The following STN1 variants were observed in gnomAD, a reference collection of about 807,000 sequenced individuals.
STN1 encodes STN1 subunit of CST complex.
Under a neutral mutation model 45.5 loss-of-function variants are expected in STN1, and 29 were observed. The observed-to-expected ratio is 0.64, with a 90% CI of 0.47 to 0.87. STN1 has a LOEUF of 0.87. STN1 is among the 40% of genes least tolerant of loss of function. The pLI is 0.00. For synonymous variants in STN1, 148 were observed against 159.0 expected, an observed-to-expected ratio of 0.93 and a Z score of 0.52; for missense variants, 376 against 441.4, an observed-to-expected ratio of 0.85 and a Z score of 1.33.
rs1350177537 is a variant in STN1, at chr10:103,909,460, GTATATATA to G, written c.229+1059_229+1066del. Among the ~76,000 whole-genome samples the G allele has an allele frequency of 2.5e-4, 25 of 100,400 alleles. 1 individual carries two copies. Among genetic ancestry groups the G allele is most frequent in the Middle Eastern group, 4.5e-3 (1 of 222 alleles). 65.9% of individuals were successfully genotyped at this position (100,400 alleles called of 152,430 possible). A position where few individuals can be genotyped will look rare whatever the true frequency, so the allele number is the denominator to read the frequency against. On this transcript the variant is annotated intron_variant, in intron 3 of 9. Transcript: ENST00000224950. Reference sequence around the variant, plus strand: ...TATATATATGTATATATGTATATATGTATATATATGTATATATGTATATATATGTGTGT... The same window carrying G: ...TATATATATGTATATATGTATATATGTGTATATATGTATATATATGTGTGT...
chr10:103,910,049 C>T (rs1184093554), intron 3 of STN1, among the ~76,000 whole-genome samples: 1 of 152,098 alleles, frequency 6.6e-6, no homozygotes, highest in East Asian at 1.9e-4. Flanking sequence ...GGTATTTACC[C>T]CTTTGGGTAT....
At chr10:103,883,217 G>C (rs904119555) in intron 9 of STN1, among the ~76,000 whole-genome samples, 1 of 152,152 alleles carries the variant, frequency 6.6e-6, no homozygotes, top group Non-Finnish European at 1.5e-5. Context: ...TCAGGGAGGA[G>C]CCCTCTTGAA....
chr10:103,890,546 G>A (rs949376992), intron 8 of STN1, among the ~76,000 whole-genome samples: 1 of 152,150 alleles, frequency 6.6e-6, no homozygotes, highest in Admixed American at 6.5e-5. Flanking sequence ...CTCTCTAAAG[G>A]CCTGGGAGGA....
At chr10:103,884,650 A>C (rs1843091934) in intron 9 of STN1, among the ~76,000 whole-genome samples, 1 of 152,174 alleles carries the variant, frequency 6.6e-6, no homozygotes, top group Non-Finnish European at 1.5e-5. Context: ...TTTACAGATG[A>C]AAAATGCTTT....
chr10:103,900,754 T>C (rs1843205222), intron 4 of STN1, among the ~76,000 whole-genome samples: 1 of 142,086 alleles, frequency 7.0e-6, no homozygotes, highest in African/African-American at 2.5e-5. Context: ...TCACACTTTC[T>C]CCACTTTCTC....
At chr10:103,909,529 TACA>T (rs1406182556) in intron 3 of STN1, among the ~76,000 whole-genome samples, 3,361 of 85,076 alleles carry the variant, frequency 0.04, 327 homozygotes, top group Non-Finnish European at 0.058. Flanking sequence ...TATATATATG[TACA>T]TATATATGTA....
At chr10:103,896,669 G>C (rs1843173006) in intron 7 of STN1, among the ~76,000 whole-genome samples, 1 of 151,730 alleles carries the variant, frequency 6.6e-6, no homozygotes, top group Non-Finnish European at 1.5e-5. Flanking sequence ...TGACAGTCAG[G>C]GGTCAGGGTC....
At chr10:103,897,153 G>C (rs1047873450) in intron 7 of STN1, among the ~76,000 whole-genome samples, 3 of 152,116 alleles carry the variant, frequency 2.0e-5, no homozygotes, top group Admixed American at 6.5e-5. Flanking sequence ...AAAATTTCAA[G>C]GAACACTTAA....
chr10:103,903,524 T>C (rs975316157), intron 4 of STN1, among the ~76,000 whole-genome samples: 2 of 152,150 alleles, frequency 1.3e-5, no homozygotes, highest in Admixed American at 6.5e-5. Flanking sequence ...CATGAATGAA[T>C]TAAGGCCACT....
chr10:103,882,608 AT>A lies in STN1; in HGVS notation c.*75del, dbSNP rs552988432. 895 of 1,461,272 alleles carry A rather than the reference AT, an allele frequency of 6.1e-4. 5 individuals are homozygous for A. In the African/African-American group the frequency reaches 0.011, roughly 19 times the overall value. 90.5% of individuals were successfully genotyped at this position (1,461,272 alleles called of 1,614,324 possible). A position where few individuals can be genotyped will look rare whatever the true frequency, so the allele number is the denominator to read the frequency against. On this transcript the variant is annotated 3_prime_UTR_variant, in exon 10 of 10. Coordinates refer to ENST00000224950, the MANE Select transcript of STN1 (RefSeq NM_024928.5). ...TGCCTCCAGACAGATAAGCCCCTGC[AT>A]GATGCTGAAAGTCAGAGCCTGGGGG...
intron 4 of STN1, among the ~76,000 whole-genome samples, chr10:103,900,523 G>C (rs1182689681): frequency 1.3e-5 from 2 of 152,166 alleles, no homozygotes; most frequent in East Asian, 3.9e-4. Flanking sequence ...TGCAGTCAAA[G>C]GGCTCTGCAT....
At chr10:103,915,909 C>T (rs1316648671) in intron 2 of STN1, among the ~76,000 whole-genome samples, 2 of 151,972 alleles carry the variant, frequency 1.3e-5, no homozygotes, top group African/African-American at 4.8e-5. Flanking sequence ...CTCACACGTG[C>T]AGTTCACAAT....
intron 9 of STN1, among the ~76,000 whole-genome samples, chr10:103,887,588 A>G (rs1327703714): frequency 1.3e-5 from 2 of 152,204 alleles, no homozygotes; most frequent in South Asian, 2.1e-4. Flanking sequence ...CACAGTCCTT[A>G]TAACATCTTT....
chr10:103,909,488 GTGTGTGTGTATA>G (rs1420025252), intron 3 of STN1, among the ~76,000 whole-genome samples: 198 of 32,704 alleles, frequency 6.1e-3, no homozygotes, highest in Middle Eastern at 0.048. Flanking sequence ...GTATATATAT[GTGTGTGTGTATA>G]TGTATATATG....
intron 8 of STN1, among the ~76,000 whole-genome samples, chr10:103,890,637 G>A (rs1020281917): frequency 6.6e-6 from 1 of 152,124 alleles, no homozygotes; most frequent in African/African-American, 2.4e-5. Context: ...ACTCCCACCC[G>A]GCCTTCCCAT....
At chr10:103,895,439 G>C (rs956867227) in intron 7 of STN1, among the ~76,000 whole-genome samples, 1 of 152,186 alleles carries the variant, frequency 6.6e-6, no homozygotes, top group Non-Finnish European at 1.5e-5. Context: ...AGAATCATCA[G>C]AAGTCCTAGG....
intron 3 of STN1, among the ~76,000 whole-genome samples, chr10:103,910,163 G>A (rs544423454): frequency 2.6e-5 from 4 of 152,026 alleles, no homozygotes; most frequent in African/African-American, 7.3e-5. Flanking sequence ...TCTGGTCTTC[G>A]CTTTTTAAAG....
At position 103,886,682 on chromosome 10, in the gene STN1, A is replaced by G. The variant is rs896918126; in HGVS notation, c.949+2390T>C. On this transcript the variant is annotated intron_variant, in intron 9 of 9. Transcript: ENST00000224950. ...GGGTTACCACTTGTGCCATTAGGAA[A>G]GAGAACTTCATTTTTATTTAATACT... is the stretch of plus-strand genomic sequence containing the variant. Among the ~76,000 whole-genome samples the G allele has an allele frequency of 3.3e-5, 5 of 152,326 alleles. No individual in the cohort carries two copies. The South Asian group carries it at 8.3e-4, about 25-fold the overall frequency.
chr10:103,909,214 C>A (rs184548654), intron 3 of STN1, among the ~76,000 whole-genome samples: 13 of 150,966 alleles, frequency 8.6e-5, no homozygotes, highest in South Asian at 6.2e-4. Flanking sequence ...CAGTGTACTG[C>A]CCATAGCTGG....
Sources: allele counts gnomAD v4.1 joint callset (sites outside exome capture counted in the v4.1 genomes callset), GRCh38; gene constraint gnomAD v4.1.1; transcripts MANE v1.5; gene names NCBI Gene and HGNC (gene_info 2026-07-23, HGNC 2026-07-21).